The following UGT3A1 variants were observed in gnomAD, a reference collection of about 807,000 sequenced individuals.
The protein encoded by UGT3A1 is UDP glycosyltransferase family 3 member A1.
Under a neutral mutation model 37.6 loss-of-function variants are expected in UGT3A1, and 40 were observed. The ratio of observed to expected loss-of-function variants is 1.06; its 90% CI spans 0.83 to 1.38. The LOEUF is 1.38. Among genes scored for constraint, UGT3A1 ranks in the 40% most tolerant of loss-of-function variants. UGT3A1 has a pLI of 0.00. For synonymous variants in UGT3A1, 256 were observed against 232.3 expected, an observed-to-expected ratio of 1.10 and a Z score of -0.93; for missense variants, 642 against 634.2, an observed-to-expected ratio of 1.01 and a Z score of -0.13.
intron 5 of UGT3A1, 39 bp from the exon 6 acceptor site, chr5:35,955,903 G>GA (rs749903674): frequency 6.6e-5 from 106 of 1,596,424 alleles, no homozygotes; most frequent in Non-Finnish European, 7.8e-5. Context: ...ACTTCAGGAT[G>GA]AAAAATTTTG....
chr5:35,993,344 A>G (rs1301810525), upstream of UGT3A1, among the ~76,000 whole-genome samples: 1 of 152,014 alleles, frequency 6.6e-6, no homozygotes, highest in African/African-American at 2.4e-5. Flanking sequence ...CGTGCCTGTA[A>G]TCCCAGCTAC....
chr5:35,954,747 T>C (rs1739289604), intron 6 of UGT3A1: 1 of 497,782 alleles, frequency 2.0e-6, no homozygotes, highest in Non-Finnish European at 3.6e-6. Flanking sequence ...TAAGAACTAG[T>C]CCATATCCCT....
chr5:35,961,177 A>C (rs1053380321), intron 4 of UGT3A1: 1 of 152,172 alleles, frequency 6.6e-6, no homozygotes, highest in Non-Finnish European at 1.5e-5. Flanking sequence ...TAGCCGTATC[A>C]TCTCCCCTCT....
chr5:35,963,157 C>T (rs968230196), intron 4 of UGT3A1, among the ~76,000 whole-genome samples: 1 of 152,192 alleles, frequency 6.6e-6, no homozygotes, highest in Admixed American at 6.5e-5. Flanking sequence ...ATTATCTCCC[C>T]TCACCTATGC....
intron 4 of UGT3A1, 88 bp from the exon 5 acceptor site, chr5:35,957,507 T>C (rs1739405141): frequency 9.5e-7 from 1 of 1,047,810 alleles, no homozygotes; most frequent in African/African-American, 1.6e-5. Flanking sequence ...TTACTAAACA[T>C]ACCCTCCCAT....
chr5:35,998,234 A>T (rs1029244136), intron 1 of UGT3A1, among the ~76,000 whole-genome samples: 1 of 152,220 alleles, frequency 6.6e-6, no homozygotes, highest in Admixed American at 6.5e-5. Context: ...AATTGTGGGT[A>T]CTGCATTTGG....
chr5:35,960,805 G>T (rs1023230906), intron 4 of UGT3A1: 1 of 152,156 alleles, frequency 6.6e-6, no homozygotes, highest in African/African-American at 2.4e-5. Flanking sequence ...GATGCATGGG[G>T]AGCTGGAAAG....
chr5:35,965,268 G>A, intron 4 of UGT3A1, 118 bp downstream of exon 4: 1 of 1,453,836 alleles, frequency 6.9e-7, no homozygotes, highest in Non-Finnish European at 9.2e-7. Context: ...CGTGCCCTAG[G>A]TGCCTCCTTT....
chr5:35,965,923 A>G lies in UGT3A1; in HGVS notation c.312-6T>C, dbSNP rs762345050. 1 of 1,500,170 alleles carries G rather than the reference A, an allele frequency of 6.7e-7. No individual in the cohort carries two copies. The highest frequency in any genetic ancestry group is 8.9e-7 in the Non-Finnish European group (1 of 1,125,608). The allele number at this position is 1,500,170 out of a possible 1,614,324, so 92.9% of individuals were successfully genotyped here. A position where few individuals can be genotyped will look rare whatever the true frequency, so the allele number is the denominator to read the frequency against. ...CAAGGGCTTCAGATTCTTTTCTGTA[A>G]TAAAGAAAATAAATAATAAATATTT... On this transcript the variant is annotated splice_region_variant and splice_polypyrimidine_tract_variant and intron_variant, in intron 3 of 6. Coordinates refer to ENST00000274278, the MANE Select transcript of UGT3A1 (RefSeq NM_152404.4).
rs1739263352 is a variant in UGT3A1 at position 35,954,208 on chromosome 5, C to T, written c.1566G>A (p.Lys522=). The T allele has an allele frequency of 1.9e-6, 3 of 1,613,800 alleles. No homozygotes were observed. Among genetic ancestry groups the T allele is most frequent in the African/African-American group, 2.7e-5 (2 of 74,908 alleles). Residue 522 remains lysine (K), a synonymous_variant, in exon 7 of 7, where the codon AAG becomes AAA. Transcript: ENST00000274278. ...CCCAAGGCTACACCTAGCCTCATGT[C>T]TTCTTCACCTTCCTGGCCCCACGCA... ...RWLRGARKVK[K]T
At chr5:35,977,297 C>T (rs1258538445) in intron 2 of UGT3A1, among the ~76,000 whole-genome samples, 2 of 152,110 alleles carry the variant, frequency 1.3e-5, no homozygotes, top group Non-Finnish European at 2.9e-5. Context: ...AGAATACTAG[C>T]AAGCAATAAA....
intron 2 of UGT3A1, among the ~76,000 whole-genome samples, chr5:35,974,921 T>A (rs1474472415): frequency 2.0e-5 from 3 of 152,204 alleles, no homozygotes; most frequent in African/African-American, 7.2e-5. Context: ...CTATGGCCAA[T>A]GGTTTGGCTA....
At chr5:35,962,641 T>C (rs890875548) in intron 4 of UGT3A1, 8 of 495,978 alleles carry the variant, frequency 1.6e-5, no homozygotes, top group African/African-American at 1.4e-4. Flanking sequence ...ATAAAAAGCC[T>C]GCACATGTGG....
intron 2 of UGT3A1, among the ~76,000 whole-genome samples, chr5:35,980,106 T>C (rs1165665193): frequency 2.0e-5 from 3 of 152,234 alleles, no homozygotes; most frequent in East Asian, 3.9e-4. Context: ...CAGCTTCAAA[T>C]TGTATACTTT....
intron 2 of UGT3A1, among the ~76,000 whole-genome samples, chr5:35,974,673 C>G (rs1246052347): frequency 1.3e-5 from 2 of 152,156 alleles, no homozygotes; most frequent in Admixed American, 1.3e-4. Flanking sequence ...ATTGCTTGAG[C>G]AAATTAGCAC....
upstream of UGT3A1, among the ~76,000 whole-genome samples, chr5:35,993,971 C>A (rs1377625588): frequency 1.3e-5 from 2 of 152,060 alleles, no homozygotes; most frequent in East Asian, 1.9e-4. Context: ...TTGTTTCCTT[C>A]AAGGAGGGCG....
intron 4 of UGT3A1, chr5:35,961,085 G>T (rs1580921819): frequency 6.6e-6 from 1 of 152,256 alleles, no homozygotes. Context: ...CATGTTCTCA[G>T]TTAGGGCCAG....
intron 2 of UGT3A1, among the ~76,000 whole-genome samples, chr5:35,978,463 AG>A (rs1740382522): frequency 6.6e-6 from 1 of 152,198 alleles, no homozygotes; most frequent in Non-Finnish European, 1.5e-5. Context: ...AGAAGGCGAA[AG>A]GCCCATCTTA....
chr5:35,985,079 T>TAAAAAAAAAAAAAA (rs59401195), intron 2 of UGT3A1, among the ~76,000 whole-genome samples: 10 of 116,016 alleles, frequency 8.6e-5, no homozygotes, highest in East Asian at 2.4e-4. Context: ...ACATAAAATA[T>TAAAAAAAAAAAAAA]AAAAAAAAAA....
Sources: allele counts gnomAD v4.1 joint callset (sites outside exome capture counted in the v4.1 genomes callset), GRCh38; gene constraint gnomAD v4.1.1; transcripts MANE v1.5; gene names NCBI Gene and HGNC (gene_info 2026-07-23, HGNC 2026-07-21).